Variants in SON observed in about 807,000 individuals in gnomAD.
SON encodes SON DNA and RNA binding protein, also known as protein SON.
Under a neutral mutation model 173.3 loss-of-function variants are expected in SON, and 4 were observed. The ratio of observed to expected loss-of-function variants is 0.02; its 90% CI spans 0.01 to 0.05. The LOEUF (loss-of-function observed/expected upper bound fraction) is 0.05, where lower values mean the gene tolerates loss of function less well. Among genes scored for constraint, SON ranks in the 10% least tolerant of loss-of-function variants. The pLI, the probability that SON is intolerant of heterozygous loss-of-function variation, is 1.00. For missense variants in SON, 2,626 were observed against 3,055.3 expected (o/e 0.86, Z 3.31); for synonymous variants, 1,190 against 1,105.9 (o/e 1.08, Z -1.51).
At chr21:33,576,313 T>C (rs2086399549) in intron 11 of SON, 52 bp from the exon 12 acceptor site, 5 of 865,354 alleles carry the variant, frequency 5.8e-6, no homozygotes, top group Non-Finnish European at 8.0e-6. Flanking sequence ...AATACAAAGC[T>C]AATAGATATT....
chr21:33,550,193 G>A lies in SON; in HGVS notation c.962G>A (p.Ser321Asn). ...CCTACTGAGGTGTACCCTGAGCCAA[G>A]CACATCAACAACAATGGATTTTCCA... is the stretch of plus-strand genomic sequence containing the variant. Reference protein sequence around the residue: ...ETPTEVYPEPSTSTTMDFPES... With the variant: ...ETPTEVYPEPNTSTTMDFPES... Residue 321 changes from serine to asparagine, a missense_variant, in exon 3 of 12, where the codon AGC (serine) becomes AAC (asparagine). This residue lies in a region of SON where 757 missense variants were observed against 730.1 expected (regional missense o/e 1.04). Transcript: ENST00000356577. 1 of 1,614,248 alleles carries A rather than the reference G, an allele frequency of 6.2e-7. No homozygotes were observed. The highest frequency in any genetic ancestry group is 1.1e-5 in the South Asian group (1 of 91,090).
chr21:33,561,311 T>C (rs2086067083), intron 6 of SON, among the ~76,000 whole-genome samples: 1 of 152,102 alleles, frequency 6.6e-6, no homozygotes, highest in African/African-American at 2.4e-5. Context: ...TTAACTGACA[T>C]GTGCAGCTGA....
In SON at chr21:33,552,820, A is replaced by T; in HGVS notation, c.3589A>T (p.Thr1197Ser). The T allele has an allele frequency of 1.2e-6, 2 of 1,613,762 alleles. No individual in the cohort carries two copies. Among genetic ancestry groups the T allele is most frequent in the South Asian group, 1.1e-5 (1 of 91,084 alleles). ...SALTAENTWP[T>S]EVPSSPSEES... ...ATTAACAGCTGAAAATACTTGGCCT[A>T]CAGAGGTGCCATCATCACCATCTGA... is the stretch of plus-strand genomic sequence containing the variant. Residue 1197 changes from threonine (T) to serine (S), a missense_variant, in exon 3 of 12, where the codon ACA (threonine) becomes TCA (serine). Physicochemically the swap from Thr to Ser is moderately conservative, Grantham distance 58. Coordinates refer to ENST00000356577, the MANE Select transcript of SON (RefSeq NM_138927.4). The surrounding 1 kb of genome is among the most constrained non-coding windows in gnomAD (Gnocchi z 5.6).
At position 33,568,046 on chromosome 21, in the gene SON, C is replaced by T. The variant is rs1225452364; in HGVS notation, c.6768+779C>T. The stretch of plus-strand genomic sequence containing the variant: ...GGACAGCCTCTCCATTTCATTTCTA[C>T]TGTTTTATGGTAAATCAGTAAGTAC... On this transcript the variant is annotated intron_variant, in intron 7 of 11. Transcript: ENST00000356577. Among the ~76,000 whole-genome samples the T allele has an allele frequency of 5.3e-5, 8 of 152,306 alleles. No individual in the cohort carries two copies. The South Asian group carries it at 1.7e-3, about 32-fold the overall frequency.
chr21:33,576,596 C>T lies in SON; in HGVS notation c.*172C>T. On this transcript the variant is annotated 3_prime_UTR_variant, in exon 12 of 12. Transcript: ENST00000356577. ...AGATAGATTGAGGTTTTATAATAAT[C>T]ATTTCAGAATTTTACTCTGCATCAC... 1.4e-6 allele frequency: 1 copy of T among 714,790 alleles called. No individual in the cohort carries two copies. The highest frequency in any genetic ancestry group is 2.6e-6 in the Non-Finnish European group (1 of 380,976). The allele number at this position is 714,790 out of a possible 1,614,324, so 44.3% of individuals were successfully genotyped here.
At chr21:33,565,541 A>G (rs549867293) in intron 6 of SON, among the ~76,000 whole-genome samples, 2 of 152,296 alleles carry the variant, frequency 1.3e-5, no homozygotes, top group East Asian at 3.9e-4. Flanking sequence ...CATTCTCATT[A>G]AAGTCCCAGG....
rs2085721018 is a variant in SON at position 33,549,976 on chromosome 21, C to T, written c.745C>T (p.Pro249Ser). ...GATTCTGGATTCCTTTGCAGCAGCA[C>T]CAGTGCCTACTACAACACTGGTGTT... ...TKILDSFAAA[P>S]VPTTTLVLKS... Residue 249 changes from proline to serine, a missense_variant, in exon 3 of 12, where the codon CCA (proline) becomes TCA (serine). Coordinates refer to ENST00000356577, the MANE Select transcript of SON (RefSeq NM_138927.4). The T allele has an allele frequency of 6.2e-7, 1 of 1,614,150 alleles. No homozygotes were observed. Among genetic ancestry groups the T allele is most frequent in the Non-Finnish European group, 8.5e-7 (1 of 1,180,042 alleles).
At position 33,550,363 on chromosome 21, in the gene SON, G is replaced by A; in HGVS notation, c.1132G>A (p.Ala378Thr). The A allele has an allele frequency of 1.2e-6, 2 of 1,614,088 alleles. No individual in the cohort carries two copies. Among genetic ancestry groups the A allele is most frequent in the Non-Finnish European group, 1.7e-6 (2 of 1,180,028 alleles). Residue 378 changes from alanine (A) to threonine (T), a missense_variant, in exon 3 of 12, where the codon GCC becomes ACC. Transcript: ENST00000356577. ...TALELQESSV[A>T]SAMELPGPPA... ...GTTGGAGCTGCAGGAGTCGTCGGTG[G>A]CCTCAGCGATGGAGTTGCCGGGGCC...
intron 6 of SON, among the ~76,000 whole-genome samples, chr21:33,563,532 C>T (rs1174982077): frequency 6.6e-6 from 1 of 152,016 alleles, no homozygotes; most frequent in African/African-American, 2.4e-5. Context: ...TCTGTGATTA[C>T]CAATAATAGA....
In SON at chr21:33,551,434, A is replaced by G; in HGVS notation, c.2203A>G (p.Met735Val). The G allele has an allele frequency of 6.2e-7, 1 of 1,614,104 alleles. No individual in the cohort carries two copies. Among genetic ancestry groups the G allele is most frequent in the Non-Finnish European group, 8.5e-7 (1 of 1,179,966 alleles). The change falls in exon 3 of 12, where the codon ATG becomes GTG. Residue 735 changes from methionine (M) to valine (V), a missense_variant. Around this residue, in one of 13 missense-constraint regions of SON, gnomAD observed 182 missense variants for 193.6 expected, o/e 0.94. Transcript: ENST00000356577. Reference protein sequence around the residue: ...ILASNTMDSQMLASNTMDSQM... With the variant: ...ILASNTMDSQVLASNTMDSQM... ...AGCATCCAACACCATGGACTCCCAA[A>G]TGCTAGCGTCCAACACCATGGACTC...
Position 33,552,629 on chromosome 21 carries a change from C to G in SON, c.3398C>G (p.Thr1133Ser), listed in dbSNP as rs770312627. The change falls in exon 3 of 12, where the codon ACC (threonine) becomes AGC (serine). Residue 1133 changes from threonine (T) to serine (S), a missense_variant. Coordinates refer to ENST00000356577, the MANE Select transcript of SON (RefSeq NM_138927.4). The surrounding 1 kb of genome is among the most constrained non-coding windows in gnomAD (Gnocchi z 5.6). ...ATGTCTATGGCTGCTGATTCTTACACCGATTCTTACACTGACACATATACA... is the reference window on the plus strand; with the variant it reads ...ATGTCTATGGCTGCTGATTCTTACAGCGATTCTTACACTGACACATATACA... ...SMMSMAADSY[T>S]DSYTDTYTEA... The G allele has an allele frequency of 3.1e-6, 5 of 1,613,924 alleles. No individual in the cohort carries two copies. Among genetic ancestry groups the G allele is most frequent in the Non-Finnish European group, 4.2e-6 (5 of 1,179,972 alleles).
In SON at chr21:33,550,245, A is replaced by G. The variant is rs2085732434; in HGVS notation, c.1014A>G (p.Arg338=). 1 of 1,614,136 alleles carries G rather than the reference A, an allele frequency of 6.2e-7. No individual in the cohort carries two copies. The change falls in exon 3 of 12, where the codon AGA becomes AGG. Residue 338 remains arginine, a synonymous_variant. Transcript: ENST00000356577. ...FPESSAIEAL[R]LPEQPVDVPS... ...AGTCATCTGCAATTGAAGCGCTAAG[A>G]TTGCCAGAGCAGCCTGTAGACGTAC...
intron 6 of SON, among the ~76,000 whole-genome samples, chr21:33,561,937 A>G (rs1452473179): frequency 6.6e-6 from 1 of 152,230 alleles, no homozygotes; most frequent in Non-Finnish European, 1.5e-5. Context: ...TTGTGGGACG[A>G]TATATGTAAC....
In SON at chr21:33,554,353, G is replaced by A. The variant is rs1478785990; in HGVS notation, c.5122G>A (p.Val1708Ile). 3 of 1,613,930 alleles carry A rather than the reference G, an allele frequency of 1.9e-6. No homozygotes were observed. The highest frequency in any genetic ancestry group is 2.5e-6 in the Non-Finnish European group (3 of 1,179,930). ...PKESSGGEKE[V>I]PPPPKETLPD... ...AGAAAGTAGTGGAGGAGAAAAAGAAGTACCTCCCCCTCCTAAAGAGACACT... is the reference window on the plus strand; with the variant it reads ...AGAAAGTAGTGGAGGAGAAAAAGAAATACCTCCCCCTCCTAAAGAGACACT... Residue 1708 changes from valine to isoleucine, a missense_variant, in exon 3 of 12, where the codon GTA becomes ATA. Physicochemically the swap from Val to Ile is conservative, Grantham distance 29. Transcript: ENST00000356577.
intron 3 of SON, 103 bp downstream of exon 3, chr21:33,555,494 A>G: frequency 2.7e-6 from 3 of 1,104,872 alleles, no homozygotes; most frequent in South Asian, 2.1e-5. Flanking sequence ...CTGGTTTAGG[A>G]TAAATGTTTC....
chr21:33,558,936 G>A (rs183474817), intron 4 of SON: 11 of 207,180 alleles, frequency 5.3e-5, no homozygotes, highest in Admixed American at 1.2e-4. Flanking sequence ...TAAGCTCCTT[G>A]AGAGCAGGGA....
At chr21:33,562,298 A>G (rs1319522700) in intron 6 of SON, among the ~76,000 whole-genome samples, 3 of 152,206 alleles carry the variant, frequency 2.0e-5, no homozygotes, top group Non-Finnish European at 4.4e-5. Context: ...ATTCCTTGTT[A>G]GAGTTTGAAA....
chr21:33,546,103 AG>A, intron 1 of SON, 109 bp from the exon 2 acceptor site: 1 of 857,428 alleles, frequency 1.2e-6, no homozygotes, highest in South Asian at 2.2e-5. Context: ...AATAGGAAAA[AG>A]GTAAAACATC....
At position 33,554,755 on chromosome 21, in the gene SON, G is replaced by A. The variant is rs2085920581; in HGVS notation, c.5524G>A (p.Glu1842Lys). 4 of 1,613,736 alleles carry A rather than the reference G, an allele frequency of 2.5e-6. No individual in the cohort carries two copies. In the African/African-American group the frequency reaches 4.0e-5, roughly 16 times the overall value. Residue 1842 changes from glutamate (E) to lysine (K), a missense_variant, in exon 3 of 12, where the codon GAA becomes AAA. This residue lies in a region of SON where 1,006 missense variants were observed against 895.6 expected (regional missense o/e 1.12). Coordinates refer to ENST00000356577, the MANE Select transcript of SON (RefSeq NM_138927.4). ...ACACAAATCACGCAAGCGTACCAGTGAATCTCGTTCTAGGGCAAGAAAGAG... is the reference window on the plus strand; with the variant it reads ...ACACAAATCACGCAAGCGTACCAGTAAATCTCGTTCTAGGGCAAGAAAGAG... ...SEHKSRKRTSESRSRARKRSS... is the reference protein window; with the variant it reads ...SEHKSRKRTSKSRSRARKRSS...
Sources: allele counts gnomAD v4.1 joint callset (sites outside exome capture counted in the v4.1 genomes callset), GRCh38; gene constraint gnomAD v4.1.1; regional missense constraint gnomAD v4.1.1; non-coding constraint Gnocchi (gnomAD v3.1); transcripts MANE v1.5; gene names NCBI Gene and HGNC (gene_info 2026-07-23, HGNC 2026-07-21).